SPAG16: variants seen among roughly 807,000 people sequenced by gnomAD.
SPAG16 encodes sperm-associated antigen 16 protein.
Under a neutral mutation model 80.4 loss-of-function variants are expected in SPAG16, and 86 were observed. That is an observed-to-expected ratio of 1.07 (90% CI 0.90 to 1.28). The LOEUF (loss-of-function observed/expected upper bound fraction) is 1.28. SPAG16 is among the 50% of genes most tolerant of loss of function. The pLI is 0.00. For missense variants in SPAG16, 870 were observed against 765.3 expected (o/e 1.14, Z -1.61); for synonymous variants, 294 against 265.9 (o/e 1.11, Z -1.03).
At position 213,702,895 on chromosome 2, in the gene SPAG16, G is replaced by A. The variant is rs898442556; in HGVS notation, c.1071-159590G>A. ...CAATAGTACTAGCACTCAGACCCAA[G>A]GAGGTGGGCTTCTCTTTGGGTTTTG... is the stretch of plus-strand genomic sequence containing the variant. On this transcript the variant is annotated intron_variant, in intron 10 of 15. Coordinates refer to ENST00000331683, the MANE Select transcript of SPAG16 (RefSeq NM_024532.5). Among the ~76,000 whole-genome samples the A allele has an allele frequency of 6.6e-5, 10 of 152,308 alleles. 1 individual carries two copies. Among genetic ancestry groups the A allele is most frequent in the Middle Eastern group, 6.8e-3 (2 of 294 alleles).
chr2:213,870,126 C>G (rs1034948681), intron 11 of SPAG16, among the ~76,000 whole-genome samples: 1 of 152,092 alleles, frequency 6.6e-6, no homozygotes, highest in African/African-American at 2.4e-5. Flanking sequence ...TGATCTCTGG[C>G]CAGCGAAATG....
intron 15 of SPAG16, among the ~76,000 whole-genome samples, chr2:214,189,451 A>G (rs2057586950): frequency 6.6e-6 from 1 of 152,078 alleles, no homozygotes; most frequent in Admixed American, 6.6e-5. Flanking sequence ...TAATGTTGAG[A>G]AGTTTTTGAT....
chr2:214,336,744 A>C (rs1576813779), intron 15 of SPAG16, among the ~76,000 whole-genome samples: 1 of 151,976 alleles, frequency 6.6e-6, no homozygotes, highest in African/African-American at 2.4e-5. Flanking sequence ...TTTGGGTTAC[A>C]TAAAGGAATA....
At chr2:214,093,491 CATATGTGTAT>C (rs1319398886) in intron 13 of SPAG16, among the ~76,000 whole-genome samples, 2 of 150,896 alleles carry the variant, frequency 1.3e-5, no homozygotes, top group Admixed American at 1.3e-4. Flanking sequence ...TTTGTGGGTG[CATATGTGTAT>C]ATATGTGTGT....
chr2:214,177,113 C>A (rs1391518645), intron 15 of SPAG16, among the ~76,000 whole-genome samples: 1 of 151,058 alleles, frequency 6.6e-6, no homozygotes, highest in African/African-American at 2.4e-5. Flanking sequence ...AGTATGTGAG[C>A]TTATGATATT....
intron 13 of SPAG16, among the ~76,000 whole-genome samples, chr2:214,064,288 A>G (rs2050427822): frequency 1.3e-5 from 2 of 152,120 alleles, no homozygotes; most frequent in Non-Finnish European, 2.9e-5. Flanking sequence ...TTATACTTAT[A>G]TATATTTAGC....
Position 214,229,647 on chromosome 2 carries a change from A to G in SPAG16, c.1720+80381A>G, listed in dbSNP as rs548839236. ...TATTCATTCAGTTTATTAAAAAACT[A>G]TAATTTGGAAGATTAAAAACAAAAA... On this transcript the variant is annotated intron_variant, in intron 15 of 15. Transcript: ENST00000331683. Among the ~76,000 whole-genome samples, 22 of 151,944 alleles carry G rather than the reference A, an allele frequency of 1.4e-4. No individual in the cohort carries two copies. In the East Asian group the frequency reaches 4.2e-3, roughly 29 times the overall value.
chr2:213,875,372 C>G (rs1283095139), intron 11 of SPAG16, among the ~76,000 whole-genome samples: 1 of 151,840 alleles, frequency 6.6e-6, no homozygotes, highest in African/African-American at 2.4e-5. Flanking sequence ...AGAGATGAGC[C>G]AAAACAGAAT....
At chr2:213,986,966 G>A (rs1417977816) in intron 12 of SPAG16, among the ~76,000 whole-genome samples, 1 of 140,980 alleles carries the variant, frequency 7.1e-6, no homozygotes, top group East Asian at 2.2e-4. Flanking sequence ...TATATTTTAT[G>A]TTAAAAGAGG....
At chr2:213,368,950 G>A (rs963744777) in intron 8 of SPAG16, among the ~76,000 whole-genome samples, 2 of 152,146 alleles carry the variant, frequency 1.3e-5, no homozygotes, top group Admixed American at 6.6e-5. Context: ...CATGCTCATG[G>A]ATAGGAAGAA....
At chr2:214,106,829 G>A (rs1347470473) in intron 13 of SPAG16, among the ~76,000 whole-genome samples, 1 of 152,066 alleles carries the variant, frequency 6.6e-6, no homozygotes, top group Admixed American at 6.6e-5. Context: ...TGGCTTCCTT[G>A]TTGTTCCAGA....
intron 11 of SPAG16, among the ~76,000 whole-genome samples, chr2:213,904,082 T>A (rs2077333254): frequency 6.6e-6 from 1 of 152,138 alleles, no homozygotes; most frequent in African/African-American, 2.4e-5. Context: ...CTCTGGGAAG[T>A]TCTAAATTTT....
chr2:214,363,205 G>C (rs186931268), intron 15 of SPAG16, among the ~76,000 whole-genome samples: 7 of 151,870 alleles, frequency 4.6e-5, no homozygotes, highest in Admixed American at 6.6e-5. Flanking sequence ...TCTTGAGCTA[G>C]AAGTCTCGAT....
At chr2:213,765,384 A>G (rs566877717) in intron 10 of SPAG16, among the ~76,000 whole-genome samples, 1 of 152,240 alleles carries the variant, frequency 6.6e-6, no homozygotes, top group South Asian at 2.1e-4. Context: ...AATCAAAACA[A>G]AACAAAAAAA....
intron 15 of SPAG16, among the ~76,000 whole-genome samples, chr2:214,304,318 G>A (rs1298975292): frequency 6.6e-6 from 1 of 152,192 alleles, no homozygotes; most frequent in Admixed American, 6.6e-5. Context: ...ACACTGGAAG[G>A]TTGTGGGTTT....
chr2:213,623,263 A>T (rs1408798937), intron 10 of SPAG16, among the ~76,000 whole-genome samples: 1 of 152,084 alleles, frequency 6.6e-6, no homozygotes, highest in African/African-American at 2.4e-5. Context: ...TAAGTGAAGG[A>T]GCTACTGGTT....
intron 10 of SPAG16, among the ~76,000 whole-genome samples, chr2:213,576,955 A>G (rs553771273): frequency 3.3e-5 from 5 of 152,196 alleles, no homozygotes; most frequent in Admixed American, 3.3e-4. Context: ...AAGTTTACAT[A>G]GGTTACATAG....
chr2:213,718,740 C>T (rs531593520), intron 10 of SPAG16, among the ~76,000 whole-genome samples: 5 of 152,290 alleles, frequency 3.3e-5, no homozygotes, highest in East Asian at 1.9e-4. Context: ...GGGCAGGGCT[C>T]GGGACCTGCA....
chr2:213,975,716 TG>T (rs1488630933), intron 12 of SPAG16, among the ~76,000 whole-genome samples: 3 of 151,734 alleles, frequency 2.0e-5, no homozygotes, highest in Admixed American at 2.0e-4. Context: ...CCAAAATAGG[TG>T]AGAAAAACTC....
Sources: allele counts gnomAD v4.1 joint callset (sites outside exome capture counted in the v4.1 genomes callset), GRCh38; gene constraint gnomAD v4.1.1; transcripts MANE v1.5; gene names NCBI Gene and HGNC (gene_info 2026-07-23, HGNC 2026-07-21).